The following SAMD5 variants were observed in gnomAD, a reference collection of about 807,000 sequenced individuals.
SAMD5 encodes sterile alpha motif domain-containing protein 5.
Under a neutral mutation model 11.3 loss-of-function variants are expected in SAMD5, and 13 were observed. The observed-to-expected ratio is 1.15, with a 90% CI of 0.75 to 1.83. The LOEUF is 1.83. Ranked by LOEUF, SAMD5 falls within the 40% of genes most tolerant of loss-of-function variation. SAMD5 has a pLI of 0.00. For missense variants in SAMD5, 255 were observed against 239.1 expected (o/e 1.07, Z -0.44); for synonymous variants, 129 against 111.3 (o/e 1.16, Z -1.00).
the SAMD5 span, among the ~76,000 whole-genome samples, chr6:147,855,909 T>C: frequency 0.38 from 57,872 of 152,048 alleles, 11,809 homozygotes; most frequent in South Asian, 0.46. Context: ...TATGATCCAG[T>C]CATTCCACTA....
intron 1 of SAMD5, among the ~76,000 whole-genome samples, chr6:147,522,439 G>C (rs762119710): frequency 6.6e-6 from 1 of 152,040 alleles, no homozygotes; most frequent in Non-Finnish European, 1.5e-5. Context: ...ACATCTTTTA[G>C]GCAACTTAAA....
At chr6:147,743,001 A>G in the SAMD5 span, among the ~76,000 whole-genome samples, 1 of 152,190 alleles carries the variant, frequency 6.6e-6, no homozygotes, top group African/African-American at 2.4e-5. Flanking sequence ...AAATTGCTGT[A>G]TTACTGTAAA....
At position 147,523,114 on chromosome 6, in the gene SAMD5, C is replaced by T. The variant is rs563427864; in HGVS notation, c.459+13727C>T. On this transcript the variant is annotated intron_variant, in intron 1 of 1. Coordinates refer to ENST00000367474, the MANE Select transcript of SAMD5 (RefSeq NM_001030060.3). The stretch of plus-strand genomic sequence containing the variant: ...GTCGGCTCCCTTCCTGCTCCTACCC[C>T]ACCCCAGACCTTTCAGTGAAATATA... Among the ~76,000 whole-genome samples, 4 of 152,204 alleles carry T rather than the reference C, an allele frequency of 2.6e-5. No individual in the cohort carries two copies. The East Asian group carries it at 5.8e-4, about 22-fold the overall frequency.
the SAMD5 span, among the ~76,000 whole-genome samples, chr6:147,790,426 G>A: frequency 6.6e-6 from 1 of 152,190 alleles, no homozygotes. Context: ...ACAGTCACAG[G>A]ATAATTGCAT....
chr6:147,602,358 A>G (rs1789631424), intron 1 of SAMD5, among the ~76,000 whole-genome samples: 1 of 152,232 alleles, frequency 6.6e-6, no homozygotes, highest in African/African-American at 2.4e-5. Flanking sequence ...AATTACCTAT[A>G]GGGATAGTAT....
chr6:147,643,744 AGAAGGAAGGAAGGAAGGAAGGAAG>A lies in SAMD5; in HGVS notation c.163-93545_163-93522del, dbSNP rs6149848. 5.8e-3 allele frequency among the ~76,000 whole-genome samples: 677 copies of A among 116,058 alleles called. 1 individual carries two copies. Among genetic ancestry groups the A allele is most frequent in the South Asian group, 8.7e-3 (25 of 2,868 alleles). The allele number at this position is 116,058 out of a possible 152,430, so 76.1% of individuals were successfully genotyped here. On this transcript the variant is annotated intron_variant, in intron 1 of 1. Transcript: ENST00000566741. ...GAGGGAAAGAGAAAGAGGGAAGGAA[AGAAGGAAGGAAGGAAGGAAGGAAG>A]GAAGGAAGGAAGGAAGGAAGGAAGG...
intron 1 of SAMD5, among the ~76,000 whole-genome samples, chr6:147,666,864 A>G (rs1226938593): frequency 6.6e-6 from 1 of 152,110 alleles, no homozygotes; most frequent in African/African-American, 2.4e-5. Flanking sequence ...ATTCCCGTAA[A>G]TTACATCTGC....
chr6:147,930,561 G>A, the SAMD5 span, among the ~76,000 whole-genome samples: 2 of 152,156 alleles, frequency 1.3e-5, no homozygotes, highest in Non-Finnish European at 2.9e-5. Context: ...CTATAAGCTG[G>A]AGAATGATAG....
the SAMD5 span, among the ~76,000 whole-genome samples, chr6:147,849,650 G>A: frequency 6.6e-6 from 1 of 152,132 alleles, no homozygotes; most frequent in African/African-American, 2.4e-5. Context: ...GTCCAAATTA[G>A]TTCAAGGCAA....
the SAMD5 span, among the ~76,000 whole-genome samples, chr6:147,861,450 G>A: frequency 6.6e-6 from 1 of 152,124 alleles, no homozygotes. Context: ...ACAGGTGTGA[G>A]CCACCACGCC....
At chr6:147,800,143 C>T in the SAMD5 span, among the ~76,000 whole-genome samples, 1 of 152,208 alleles carries the variant, frequency 6.6e-6, no homozygotes, top group East Asian at 1.9e-4. Flanking sequence ...AGGAGAGGCA[C>T]TCTGATTTTT....
the SAMD5 span, among the ~76,000 whole-genome samples, chr6:147,930,779 A>G: frequency 6.6e-6 from 1 of 152,216 alleles, no homozygotes; most frequent in Admixed American, 6.5e-5. Flanking sequence ...AGGAAAGGGT[A>G]CACTGCTACA....
the SAMD5 span, among the ~76,000 whole-genome samples, chr6:147,783,919 C>T: frequency 6.6e-6 from 1 of 152,080 alleles, no homozygotes; most frequent in Non-Finnish European, 1.5e-5. Context: ...TAAAATTCTC[C>T]TTCGAGTCTT....
the SAMD5 span, among the ~76,000 whole-genome samples, chr6:147,748,134 A>C: frequency 6.6e-6 from 1 of 152,248 alleles, no homozygotes; most frequent in African/African-American, 2.4e-5. Flanking sequence ...GTAAGTGTTC[A>C]AAAATTGCAG....
chr6:147,541,980 G>A (rs1181281465), intron 1 of SAMD5, among the ~76,000 whole-genome samples: 1 of 152,036 alleles, frequency 6.6e-6, no homozygotes, highest in African/African-American at 2.4e-5. Context: ...CCACCATAGG[G>A]CTACAGAACC....
chr6:147,781,247 T>C, the SAMD5 span, among the ~76,000 whole-genome samples: 1 of 150,804 alleles, frequency 6.6e-6, no homozygotes, highest in East Asian at 2.0e-4. Context: ...TCTCCACCTC[T>C]CAGACTCAAG....
chr6:147,648,431 TG>T (rs1413046867), intron 1 of SAMD5, among the ~76,000 whole-genome samples: 1 of 152,118 alleles, frequency 6.6e-6, no homozygotes, highest in Non-Finnish European at 1.5e-5. Flanking sequence ...GTGGGTATTA[TG>T]GGGATTACAA....
At position 147,509,344 on chromosome 6, in the gene SAMD5, T is replaced by C. The variant is rs2128438635; in HGVS notation, c.416T>C (p.Val139Ala). The C allele has an allele frequency of 1.3e-6, 2 of 1,579,064 alleles. No homozygotes were observed. The highest frequency in any genetic ancestry group is 1.8e-5 in the Admixed American group (1 of 55,952). Residue 139 changes from valine (V) to alanine (A), a missense_variant, in exon 1 of 2, where the codon GTC becomes GCC. By Grantham distance (64) the Val-to-Ala change is moderately conservative. Coordinates refer to ENST00000367474, the MANE Select transcript of SAMD5 (RefSeq NM_001030060.3). ...AAGATCATGATCAGGGATAAGCTCG[T>C]CCGTGACGGCATCCACCTGAGCAAG... The part of the protein sequence containing the change: ...KLKIMIRDKL[V>A]RDGIHLSKPP...
chr6:147,919,639 C>T, the SAMD5 span, among the ~76,000 whole-genome samples: 1 of 152,188 alleles, frequency 6.6e-6, no homozygotes, highest in East Asian at 1.9e-4. Flanking sequence ...CTTTGGAAGG[C>T]CTGACCATAT....
Sources: allele counts gnomAD v4.1 joint callset (sites outside exome capture counted in the v4.1 genomes callset), GRCh38; gene constraint gnomAD v4.1.1; transcripts MANE v1.5; gene names NCBI Gene and HGNC (gene_info 2026-07-23, HGNC 2026-07-21).